The following PKN2 variants were observed in gnomAD, a reference collection of about 807,000 sequenced individuals.
PKN2 encodes the protein serine/threonine-protein kinase N2.
In PKN2, 38 loss-of-function variants were observed where a neutral mutation model predicts 119.1. That is an observed-to-expected ratio of 0.32 (90% CI 0.25 to 0.42). The LOEUF is 0.42. Among genes scored for constraint, PKN2 ranks in the 10% least tolerant of loss-of-function variants. The probability of loss-of-function intolerance (pLI) is 1.00; values close to 1 mark genes in which losing one functional copy is unlikely to be tolerated. For synonymous variants in PKN2, 390 were observed against 384.9 expected, an observed-to-expected ratio of 1.01 and a Z score of -0.15; for missense variants, 850 against 1,165.1, an observed-to-expected ratio of 0.73 and a Z score of 3.94.
At chr1:88,783,318 C>T (rs1255577085) in intron 6 of PKN2, among the ~76,000 whole-genome samples, 3 of 152,192 alleles carry the variant, frequency 2.0e-5, no homozygotes, top group Non-Finnish European at 2.9e-5. Context: ...ATTTCTGTCT[C>T]TTCAACTTGG....
intron 2 of PKN2, among the ~76,000 whole-genome samples, chr1:88,759,277 C>T (rs903541253): frequency 1.3e-5 from 2 of 152,168 alleles, no homozygotes; most frequent in Non-Finnish European, 2.9e-5. Flanking sequence ...GCAGGAGAAT[C>T]GCTTGAACCT....
At chr1:88,774,509 A>G (rs990746112) in intron 6 of PKN2, among the ~76,000 whole-genome samples, 3 of 152,188 alleles carry the variant, frequency 2.0e-5, no homozygotes, top group Admixed American at 6.5e-5. Context: ...AGGCACGCCT[A>G]TCACTGGGGG....
chr1:88,778,919 TTCACCATGTTAGCCAGGATGGTC>T (rs1401840245), intron 6 of PKN2, among the ~76,000 whole-genome samples: 1 of 152,124 alleles, frequency 6.6e-6, no homozygotes, highest in African/African-American at 2.4e-5. Context: ...TGGGGGCGGT[TTCACCATGTTAGCCAGGATGGTC>T]TCGATCTCCT....
intron 1 of PKN2, among the ~76,000 whole-genome samples, chr1:88,724,875 C>A (rs2100713561): frequency 7.0e-6 from 1 of 142,228 alleles, no homozygotes; most frequent in East Asian, 2.0e-4. Context: ...CCCGCCCCCA[C>A]CCCTTGGTTT....
chr1:88,776,221 C>T lies in PKN2; in HGVS notation c.985+4342C>T, dbSNP rs542099805. On this transcript the variant is annotated intron_variant, in intron 6 of 21. Coordinates refer to ENST00000370521, the MANE Select transcript of PKN2 (RefSeq NM_006256.4). ...TCCCTCCCCCTCCCCCTACCCCCTC[C>T]CCCTTGCCCTCCCTGACACTGCCCC... 5.9e-5 allele frequency among the ~76,000 whole-genome samples: 8 copies of T among 135,694 alleles called. No homozygotes were observed. The South Asian group carries it at 1.3e-3, about 22-fold the overall frequency. 89.0% of individuals were successfully genotyped at this position (135,694 alleles called of 152,430 possible). A position where few individuals can be genotyped will look rare whatever the true frequency, so the allele number is the denominator to read the frequency against.
intron 1 of PKN2, among the ~76,000 whole-genome samples, chr1:88,716,710 C>T (rs1287439021): frequency 6.6e-6 from 1 of 152,068 alleles, no homozygotes; most frequent in African/African-American, 2.4e-5. Flanking sequence ...GATGGGTCTC[C>T]TGAATACAGC....
chr1:88,780,865 T>A (rs1478092758), intron 6 of PKN2, among the ~76,000 whole-genome samples: 1 of 152,112 alleles, frequency 6.6e-6, no homozygotes, highest in Non-Finnish European at 1.5e-5. Context: ...AGTAATAAAA[T>A]CACATTTTAG....
intron 3 of PKN2, among the ~76,000 whole-genome samples, chr1:88,769,790 C>T (rs1308126074): frequency 6.6e-6 from 1 of 152,032 alleles, no homozygotes; most frequent in Non-Finnish European, 1.5e-5. Flanking sequence ...GAGTAGAATA[C>T]AGTTACCAGC....
At chr1:88,769,420 C>T (rs1669795912) in intron 3 of PKN2, among the ~76,000 whole-genome samples, 1 of 152,030 alleles carries the variant, frequency 6.6e-6, no homozygotes, top group South Asian at 2.1e-4. Flanking sequence ...TTATTTCATA[C>T]TATGTTTCTG....
At chr1:88,693,704 C>T (rs1557543475) in intron 1 of PKN2, among the ~76,000 whole-genome samples, 2 of 152,004 alleles carry the variant, frequency 1.3e-5, no homozygotes, top group Non-Finnish European at 2.9e-5. Context: ...TAGTGAGACC[C>T]TGTCTCAAAA....
Position 88,807,325 on chromosome 1 carries a change from G to C in PKN2, c.1816G>C (p.Val606Leu). ...TAATATTTTACAGGATTCAGAGACTGTTTTTGATATTCAGAATGACAGAAA... is the reference window on the plus strand; with the variant it reads ...TAATATTTTACAGGATTCAGAGACTCTTTTTGATATTCAGAATGACAGAAA... ...LDIPGQDSET[V>L]FDIQNDRNSI... is the part of the protein sequence containing the mutation. Residue 606 changes from valine (V) to leucine (L), a missense_variant, in exon 13 of 22, where the codon GTT (valine) becomes CTT (leucine). Physicochemically the swap from Val to Leu is conservative, Grantham distance 32. Transcript: ENST00000370521. The C allele has an allele frequency of 1.3e-6, 2 of 1,567,676 alleles. No homozygotes were observed. The highest frequency in any genetic ancestry group is 1.7e-6 in the Non-Finnish European group (2 of 1,147,486).
chr1:88,786,064 G>T, intron 7 of PKN2, 40 bp from the exon 8 acceptor site: 1 of 1,216,092 alleles, frequency 8.2e-7, no homozygotes. Flanking sequence ...TTTTATAAAG[G>T]TTTAAAGTTT....
At chr1:88,691,493 T>C (rs1172439853) in intron 1 of PKN2, among the ~76,000 whole-genome samples, 1 of 152,232 alleles carries the variant, frequency 6.6e-6, no homozygotes, top group African/African-American at 2.4e-5. Context: ...TATGCAACTT[T>C]TGGATTTTTA....
rs570595056 is a variant in PKN2 at position 88,749,450 on chromosome 1, C to T, written c.349+8162C>T. Among the ~76,000 whole-genome samples the T allele has an allele frequency of 1.1e-4, 16 of 151,898 alleles. No homozygotes were observed. In the South Asian group the frequency reaches 3.3e-3, roughly 32 times the overall value. Reference sequence around the variant, plus strand: ...ATTCTAACTCACAGTGTTAACCCTGCCTATTTCTGTAACATATTAAGAAAG... The same window carrying T: ...ATTCTAACTCACAGTGTTAACCCTGTCTATTTCTGTAACATATTAAGAAAG... On this transcript the variant is annotated intron_variant, in intron 2 of 21. Coordinates refer to ENST00000370521, the MANE Select transcript of PKN2 (RefSeq NM_006256.4).
chr1:88,725,333 T>C (rs1465711957), intron 1 of PKN2, among the ~76,000 whole-genome samples: 1 of 152,178 alleles, frequency 6.6e-6, no homozygotes, highest in Non-Finnish European at 1.5e-5. Context: ...CAAACTGTTT[T>C]TCAGAGTGGC....
intron 1 of PKN2, among the ~76,000 whole-genome samples, chr1:88,730,026 G>A (rs1392914606): frequency 1.3e-5 from 2 of 152,096 alleles, no homozygotes; most frequent in Admixed American, 6.6e-5. Flanking sequence ...TTAGCCGGGT[G>A]TGGTGGTGGG....
In PKN2 at chr1:88,835,761, A is replaced by G. The variant is rs533173825; in HGVS notation, c.*2313A>G. ...CAAGTGTTTTTTGCAGTCATAAATT[A>G]TCACAAATGCACAAATTAAAGTCTA... is the stretch of plus-strand genomic sequence containing the variant. On this transcript the variant is annotated 3_prime_UTR_variant, in exon 22 of 22. Coordinates refer to ENST00000370521, the MANE Select transcript of PKN2 (RefSeq NM_006256.4). The G allele has an allele frequency of 1.3e-4, 20 of 152,674 alleles. No homozygotes were observed. Among genetic ancestry groups the G allele is most frequent in the African/African-American group, 4.8e-4 (20 of 41,574 alleles). 9.5% of individuals were successfully genotyped at this position (152,674 alleles called of 1,614,324 possible). A position where few individuals can be genotyped will look rare whatever the true frequency, so the allele number is the denominator to read the frequency against.
chr1:88,705,164 G>T (rs2100673217), intron 1 of PKN2, among the ~76,000 whole-genome samples: 1 of 151,126 alleles, frequency 6.6e-6, no homozygotes, highest in African/African-American at 2.4e-5. Flanking sequence ...CTTTCCAGGA[G>T]CAGAAGTTCT....
At chr1:88,798,298 G>A (rs1671171258) in intron 8 of PKN2, among the ~76,000 whole-genome samples, 1 of 151,522 alleles carries the variant, frequency 6.6e-6, no homozygotes, top group Non-Finnish European at 1.5e-5. Flanking sequence ...ATATTTAAAT[G>A]ATTATAGTAT....
Sources: gnomAD v4.1 joint callset for allele counts (sites outside exome capture counted in the v4.1 genomes callset) on GRCh38, gnomAD v4.1.1 for gene constraint, MANE v1.5 for transcripts, NCBI Gene and HGNC (gene_info 2026-07-23, HGNC 2026-07-21) for gene names.